MALRD1: variants seen among roughly 807,000 people sequenced by gnomAD.
MALRD1 encodes the protein MAM and LDL receptor class A domain containing 1.
In MALRD1, 247 loss-of-function variants were observed where a neutral mutation model predicts 242.1. The ratio of observed to expected loss-of-function variants is 1.02; its 90% CI spans 0.92 to 1.13. The LOEUF is 1.13. Among genes scored for constraint, MALRD1 ranks in the 50% most tolerant of loss-of-function variants. The pLI is 0.00. For missense variants in MALRD1, 2,989 were observed against 2,533.1 expected (o/e 1.18, Z -3.86); for synonymous variants, 995 against 866.6 (o/e 1.15, Z -2.60).
chr10:19,478,273 C>T (rs1564375846), intron 29 of MALRD1, among the ~76,000 whole-genome samples: 1 of 152,166 alleles, frequency 6.6e-6, no homozygotes, highest in Admixed American at 6.5e-5. Context: ...TAATCATCTC[C>T]CAAGACAAAA....
intron 1 of MALRD1, among the ~76,000 whole-genome samples, chr10:19,056,174 G>T (rs1834660575): frequency 6.6e-6 from 1 of 151,796 alleles, no homozygotes; most frequent in African/African-American, 2.4e-5. Context: ...TTGGCTACTT[G>T]GAATCTTTTG....
At chr10:19,546,880 A>G (rs1432062270) in intron 32 of MALRD1, among the ~76,000 whole-genome samples, 1 of 152,234 alleles carries the variant, frequency 6.6e-6, no homozygotes, top group Non-Finnish European at 1.5e-5. Flanking sequence ...GTGTGTTTTC[A>G]GTTAGCCATC....
At chr10:19,187,614 A>G (rs953550273) in intron 14 of MALRD1, among the ~76,000 whole-genome samples, 2 of 152,150 alleles carry the variant, frequency 1.3e-5, no homozygotes, top group African/African-American at 4.8e-5. Context: ...ACCTAGAGCA[A>G]TGGTTCCCAA....
intron 21 of MALRD1, among the ~76,000 whole-genome samples, chr10:19,322,292 A>G (rs1984114): frequency 0.89 from 134,929 of 152,010 alleles, 60,095 homozygotes; most frequent in African/African-American, 0.93. Flanking sequence ...ATATAAGAGA[A>G]CTGGAAATGC....
At chr10:19,355,438 A>C (rs1474620541) in intron 26 of MALRD1, among the ~76,000 whole-genome samples, 1 of 151,944 alleles carries the variant, frequency 6.6e-6, no homozygotes, top group Non-Finnish European at 1.5e-5. Context: ...ATTACATTAA[A>C]ATAAAAAAGA....
At chr10:19,281,689 T>C (rs934575223) in intron 20 of MALRD1, among the ~76,000 whole-genome samples, 13 of 152,116 alleles carry the variant, frequency 8.5e-5, no homozygotes, top group Admixed American at 4.6e-4. Flanking sequence ...ACACATAACA[T>C]GGCCAGGTGC....
At chr10:19,731,087 ACAGAGTATTAGT>A (rs1589454590) in intron 39 of MALRD1, among the ~76,000 whole-genome samples, 2 of 152,356 alleles carry the variant, frequency 1.3e-5, no homozygotes, top group East Asian at 3.9e-4. Flanking sequence ...AGTTTAACCC[ACAGAGTATTAGT>A]CAGCTGCTTA....
At chr10:19,281,156 C>G (rs1391786129) in intron 20 of MALRD1, among the ~76,000 whole-genome samples, 1 of 152,098 alleles carries the variant, frequency 6.6e-6, no homozygotes, top group Non-Finnish European at 1.5e-5. Flanking sequence ...CTAAAAAAGT[C>G]ATAAAATCAA....
intron 21 of MALRD1, among the ~76,000 whole-genome samples, chr10:19,295,070 C>T (rs1256433501): frequency 6.6e-6 from 1 of 152,020 alleles, no homozygotes; most frequent in Non-Finnish European, 1.5e-5. Flanking sequence ...CAAGTCATCA[C>T]TGTTATTAGT....
chr10:19,189,158 TA>T (rs1477849179), intron 14 of MALRD1, among the ~76,000 whole-genome samples: 1 of 152,000 alleles, frequency 6.6e-6, no homozygotes, highest in African/African-American at 2.4e-5. Flanking sequence ...AAAAAGATTA[TA>T]AGATTAGAGT....
intron 18 of MALRD1, among the ~76,000 whole-genome samples, chr10:19,220,587 A>G (rs182921092): frequency 1.9e-4 from 29 of 152,314 alleles, no homozygotes; most frequent in Admixed American, 1.4e-3. Flanking sequence ...AGCTACCATT[A>G]CAACTAGCTT....
At chr10:19,334,338 G>A (rs1234949499) in intron 24 of MALRD1, among the ~76,000 whole-genome samples, 3 of 150,670 alleles carry the variant, frequency 2.0e-5, no homozygotes, top group Non-Finnish European at 3.0e-5. Context: ...TTATATTTGT[G>A]TATGATAAAA....
At chr10:19,327,183 G>C (rs1843168545) in intron 22 of MALRD1, among the ~76,000 whole-genome samples, 1 of 152,046 alleles carries the variant, frequency 6.6e-6, no homozygotes, top group Non-Finnish European at 1.5e-5. Context: ...ATTCTCAAAA[G>C]AGTGTTTTAG....
At chr10:19,213,358 C>T (rs1448711807) in intron 18 of MALRD1, among the ~76,000 whole-genome samples, 1 of 152,136 alleles carries the variant, frequency 6.6e-6, no homozygotes, top group Non-Finnish European at 1.5e-5. Flanking sequence ...ATCAGCCTAC[C>T]ATGTAGCTGG....
At chr10:19,551,326 T>G (rs961413741) in intron 32 of MALRD1, among the ~76,000 whole-genome samples, 1 of 152,190 alleles carries the variant, frequency 6.6e-6, no homozygotes, top group Non-Finnish European at 1.5e-5. Context: ...TCACCTCCCC[T>G]GTTCACTGTA....
At chr10:19,169,699 T>G (rs1010684646) in intron 13 of MALRD1, among the ~76,000 whole-genome samples, 23 of 152,236 alleles carry the variant, frequency 1.5e-4, no homozygotes, top group African/African-American at 5.5e-4. Flanking sequence ...AGTTCTACTT[T>G]GTTCTTTTAT....
chr10:19,724,035 A>G (rs1385851839), intron 38 of MALRD1, among the ~76,000 whole-genome samples: 2 of 152,162 alleles, frequency 1.3e-5, no homozygotes, highest in Non-Finnish European at 2.9e-5. Flanking sequence ...ACAAGCCTGG[A>G]CAACAGAGTG....
intron 36 of MALRD1, among the ~76,000 whole-genome samples, chr10:19,669,698 A>C (rs191969505): frequency 6.6e-6 from 1 of 152,318 alleles, no homozygotes; most frequent in East Asian, 1.9e-4. Flanking sequence ...AAAAATTAAA[A>C]AATAAGTGAT....
rs1837838814 is a variant in MALRD1 at position 19,227,252 on chromosome 10, T to C, written c.2991+17572T>C. Among the ~76,000 whole-genome samples, 3 of 152,016 alleles carry C rather than the reference T, an allele frequency of 2.0e-5. No individual in the cohort carries two copies. The South Asian group carries it at 6.2e-4, about 31-fold the overall frequency. ...CAAATTTCAAGACATATTGTAAAGC[T>C]ACACTAACCAGTACAGTGAACTTAC... On this transcript the variant is annotated intron_variant, in intron 18 of 39. Transcript: ENST00000454679.
Sources: allele counts gnomAD v4.1 joint callset (sites outside exome capture counted in the v4.1 genomes callset), GRCh38; gene constraint gnomAD v4.1.1; transcripts MANE v1.5; gene names NCBI Gene and HGNC (gene_info 2026-07-23, HGNC 2026-07-21).